MDGA2: variants seen among roughly 807,000 people sequenced by gnomAD.
MDGA2 encodes the protein MAM domain-containing glycosylphosphatidylinositol anchor protein 2.
In MDGA2, 40 loss-of-function variants were observed where a neutral mutation model predicts 117.8. That is an observed-to-expected ratio of 0.34 (90% CI 0.26 to 0.44). The LOEUF is 0.44. Among genes scored for constraint, MDGA2 ranks in the 20% least tolerant of loss-of-function variants. The pLI, the probability that MDGA2 is intolerant of heterozygous loss-of-function variation, is 1.00. For synonymous variants in MDGA2, 452 were observed against 439.0 expected, an observed-to-expected ratio of 1.03 and a Z score of -0.37; for missense variants, 1,123 against 1,250.6, an observed-to-expected ratio of 0.90 and a Z score of 1.54.
chr14:47,063,156 T>G (rs2138796154), intron 6 of MDGA2, among the ~76,000 whole-genome samples: 1 of 152,158 alleles, frequency 6.6e-6, no homozygotes, highest in South Asian at 2.1e-4. Context: ...ATGAAATATT[T>G]TATATGCCTG....
At chr14:46,876,500 C>T (rs540461074) in intron 12 of MDGA2, among the ~76,000 whole-genome samples, 1 of 151,444 alleles carries the variant, frequency 6.6e-6, no homozygotes, top group Non-Finnish European at 1.5e-5. Context: ...AGGATTTTCA[C>T]AAAGATATAG....
chr14:47,590,419 A>C (rs1896414436), intron 1 of MDGA2, among the ~76,000 whole-genome samples: 1 of 151,924 alleles, frequency 6.6e-6, no homozygotes, highest in Admixed American at 6.6e-5. Context: ...GACACATTCA[A>C]GGTAGAGGGA....
intron 1 of MDGA2, among the ~76,000 whole-genome samples, chr14:47,561,534 G>A (rs1388363751): frequency 6.6e-6 from 1 of 152,062 alleles, no homozygotes; most frequent in Non-Finnish European, 1.5e-5. Flanking sequence ...CAGCTTGCAC[G>A]TTGTTGGTGT....
At chr14:47,544,137 T>A (rs898911790) in intron 1 of MDGA2, among the ~76,000 whole-genome samples, 3 of 152,188 alleles carry the variant, frequency 2.0e-5, no homozygotes, top group Non-Finnish European at 2.9e-5. Context: ...ATAGAAAGTA[T>A]GTCAGAGACT....
chr14:47,300,401 A>G lies in MDGA2; in HGVS notation c.420+1010T>C, dbSNP rs527315084. 5.9e-5 allele frequency among the ~76,000 whole-genome samples: 9 copies of G among 152,324 alleles called. No individual in the cohort carries two copies. In the South Asian group the frequency reaches 1.7e-3, roughly 28 times the overall value. On this transcript the variant is annotated intron_variant, in intron 2 of 16. Transcript: ENST00000399232. ...ATCCTCAATATTCTGCATCTAAATTAGATTGTTGCATCATATATATATAAC... is the reference window on the plus strand; with the variant it reads ...ATCCTCAATATTCTGCATCTAAATTGGATTGTTGCATCATATATATATAAC...
chr14:47,254,712 A>G (rs4387513), intron 2 of MDGA2, among the ~76,000 whole-genome samples: 28,771 of 151,984 alleles, frequency 0.19, 2,949 homozygotes, highest in South Asian at 0.29. Context: ...TCCAGTTCCA[A>G]TTTTCGGGTA....
chr14:47,115,399 G>A (rs1881271917), intron 5 of MDGA2, among the ~76,000 whole-genome samples: 1 of 151,928 alleles, frequency 6.6e-6, no homozygotes, highest in South Asian at 2.1e-4. Context: ...CTAGAAGGCA[G>A]ACGTGCCTCA....
At chr14:47,116,945 GA>G (rs144122477) in intron 5 of MDGA2, among the ~76,000 whole-genome samples, 2 of 148,790 alleles carry the variant, frequency 1.3e-5, no homozygotes, top group African/African-American at 2.5e-5. Flanking sequence ...GTTCTGCACA[GA>G]AAAAAAAATA....
intron 9 of MDGA2, among the ~76,000 whole-genome samples, chr14:46,922,103 C>CG (rs142009309): frequency 1.1e-3 from 173 of 150,704 alleles, no homozygotes; most frequent in African/African-American, 1.9e-3. Context: ...GATAAAAAGG[C>CG]GGGGGGGCAA....
chr14:46,970,376 AT>A (rs1319438734), intron 8 of MDGA2, among the ~76,000 whole-genome samples: 2 of 152,176 alleles, frequency 1.3e-5, no homozygotes, highest in African/African-American at 4.8e-5. Flanking sequence ...GAATGGAGTA[AT>A]GAGTCCAGAC....
At chr14:46,939,674 C>A (rs1201179784) in intron 9 of MDGA2, among the ~76,000 whole-genome samples, 4 of 152,182 alleles carry the variant, frequency 2.6e-5, no homozygotes, top group African/African-American at 9.7e-5. Context: ...AGGCACCATG[C>A]TAATCAACTT....
At chr14:47,633,015 T>C (rs1897265227) in intron 1 of MDGA2, among the ~76,000 whole-genome samples, 1 of 152,162 alleles carries the variant, frequency 6.6e-6, no homozygotes, top group East Asian at 1.9e-4. Context: ...AAATGTTAAA[T>C]GAGATAATGC....
chr14:47,061,183 T>G lies in MDGA2; in HGVS notation c.1525+66A>C, dbSNP rs997606287. The G allele has an allele frequency of 3.5e-6, 5 of 1,408,668 alleles. No individual in the cohort carries two copies. The African/African-American group carries it at 5.7e-5, about 16-fold the overall frequency. 87.3% of individuals were successfully genotyped at this position (1,408,668 alleles called of 1,614,324 possible). On this transcript the variant is annotated intron_variant, in intron 7 of 16. Coordinates refer to ENST00000399232, the MANE Select transcript of MDGA2 (RefSeq NM_001113498.3). Reference sequence around the variant, plus strand: ...AAAATATTTTTAACTAAAACCTACTTGATCTGTTAAACTTCAATCATTCTA... The same window carrying G: ...AAAATATTTTTAACTAAAACCTACTGGATCTGTTAAACTTCAATCATTCTA...
At chr14:47,198,311 G>A (rs1210531384) in intron 3 of MDGA2, among the ~76,000 whole-genome samples, 3 of 152,100 alleles carry the variant, frequency 2.0e-5, no homozygotes, top group Non-Finnish European at 4.4e-5. Flanking sequence ...GGTGGCTCAC[G>A]CCTGTAATCC....
chr14:47,064,924 C>T (rs1039875964), intron 6 of MDGA2, among the ~76,000 whole-genome samples: 27 of 151,946 alleles, frequency 1.8e-4, no homozygotes, highest in Admixed American at 6.6e-5. Flanking sequence ...TAACAGAGGT[C>T]CAATAGACTT....
chr14:47,597,509 G>C (rs1366668660), intron 1 of MDGA2, among the ~76,000 whole-genome samples: 1 of 151,810 alleles, frequency 6.6e-6, no homozygotes. Context: ...GGGGTGTCAT[G>C]GAATACATTA....
chr14:47,409,577 T>G (rs1012635473), intron 1 of MDGA2, among the ~76,000 whole-genome samples: 1 of 152,204 alleles, frequency 6.6e-6, no homozygotes, highest in Admixed American at 6.6e-5. Context: ...CTGCCATCCC[T>G]ATTTCTAATC....
At chr14:47,319,327 G>T (rs1221902531) in intron 1 of MDGA2, among the ~76,000 whole-genome samples, 3 of 152,016 alleles carry the variant, frequency 2.0e-5, no homozygotes, top group African/African-American at 7.2e-5. Context: ...TGATTTGCAG[G>T]CAAGTTGTAA....
chr14:47,423,426 C>T (rs1251083235), intron 1 of MDGA2, among the ~76,000 whole-genome samples: 1 of 152,124 alleles, frequency 6.6e-6, no homozygotes, highest in Non-Finnish European at 1.5e-5. Flanking sequence ...GCACTGTTCA[C>T]CTAATTTAAT....
Sources: gnomAD v4.1 joint callset for allele counts (sites outside exome capture counted in the v4.1 genomes callset) on GRCh38, gnomAD v4.1.1 for gene constraint, MANE v1.5 for transcripts, NCBI Gene and HGNC (gene_info 2026-07-23, HGNC 2026-07-21) for gene names.